The following FOXK2 variants were observed in gnomAD, a reference collection of about 807,000 sequenced individuals.
FOXK2 encodes the protein forkhead box K2, also known as forkhead box protein K2.
In FOXK2, 24 loss-of-function variants were observed where a neutral mutation model predicts 53.3. That is an observed-to-expected ratio of 0.45 (90% CI 0.33 to 0.63). The LOEUF (loss-of-function observed/expected upper bound fraction) is 0.63. Ranked by LOEUF, FOXK2 falls within the 30% of genes least tolerant of loss-of-function variation. FOXK2 has a pLI of 0.03. For missense variants in FOXK2, 952 were observed against 910.5 expected (o/e 1.05, Z -0.59); for synonymous variants, 505 against 407.1 (o/e 1.24, Z -2.89).
intron 3 of FOXK2, among the ~76,000 whole-genome samples, chr17:82,570,769 A>C (rs1275427490): frequency 6.6e-6 from 1 of 152,218 alleles, no homozygotes; most frequent in African/African-American, 2.4e-5. Context: ...AGAAGTTCAC[A>C]ACCAGGAGTG....
rs182581986 is a variant in FOXK2, at chr17:82,545,294, A to G, written c.420-18060A>G. Among the ~76,000 whole-genome samples the G allele has an allele frequency of 1.8e-3, 269 of 152,288 alleles. 3 individuals carry two copies. Among genetic ancestry groups the G allele is most frequent in the Non-Finnish European group, 4.7e-4 (32 of 68,038 alleles). The stretch of plus-strand genomic sequence containing the variant: ...TCGGAATTCCTATCCCGAATTCTAA[A>G]CCATAAATTAGTTTTGTTTGCTTTT... On this transcript the variant is annotated intron_variant, in intron 1 of 8. Transcript: ENST00000335255.
intron 1 of FOXK2, among the ~76,000 whole-genome samples, chr17:82,547,484 A>G (rs2044637649): frequency 6.6e-6 from 1 of 152,178 alleles, no homozygotes; most frequent in African/African-American, 2.4e-5. Context: ...AGCTTGTTTT[A>G]AGAGTTTAGG....
chr17:82,587,369 C>T, intron 8 of FOXK2, 97 bp downstream of exon 8: 2 of 937,954 alleles, frequency 2.1e-6, no homozygotes, highest in African/African-American at 1.6e-5. Flanking sequence ...ACAATTTTAG[C>T]TTTTGTCTGA....
intron 8 of FOXK2, 86 bp downstream of exon 8, chr17:82,587,358 A>C: frequency 1.9e-6 from 2 of 1,053,726 alleles, no homozygotes; most frequent in Non-Finnish European, 1.5e-6. Flanking sequence ...TTCTGACTGT[A>C]ACAATTTTAG....
chr17:82,539,766 A>T (rs1340329258), intron 1 of FOXK2, among the ~76,000 whole-genome samples: 6 of 151,806 alleles, frequency 4.0e-5, no homozygotes, highest in Admixed American at 3.9e-4. Flanking sequence ...GGAGTTCGAG[A>T]CCAGGCTGGC....
At chr17:82,587,418 A>G (rs1567986417) in intron 8 of FOXK2, 146 bp downstream of exon 8, 1 of 692,658 alleles carries the variant, frequency 1.4e-6, no homozygotes, top group East Asian at 2.7e-5. Context: ...AAATCTAGTC[A>G]TGCTGGGGAA....
chr17:82,570,664 A>C (rs1016892613), intron 3 of FOXK2, among the ~76,000 whole-genome samples: 2 of 152,218 alleles, frequency 1.3e-5, no homozygotes, highest in Non-Finnish European at 2.9e-5. Flanking sequence ...ATAATTGTTC[A>C]TTGTAAAACT....
At chr17:82,572,993 G>A (rs1370125027) in intron 4 of FOXK2, among the ~76,000 whole-genome samples, 1 of 151,990 alleles carries the variant, frequency 6.6e-6, no homozygotes, top group African/African-American at 2.4e-5. Flanking sequence ...GATTTCGAGA[G>A]CAGCCTGGGC....
chr17:82,589,184 C>T (rs140383622), intron 8 of FOXK2, among the ~76,000 whole-genome samples: 2 of 152,092 alleles, frequency 1.3e-5, no homozygotes, highest in East Asian at 3.9e-4. Flanking sequence ...AAAGCTTTTA[C>T]GGGATTATTT....
chr17:82,601,720 T>A lies in FOXK2; in HGVS notation c.*221T>A, dbSNP rs1300584103. ...CTGATTTGGGAGACGGTGTCTCCAC[T>A]GAGCACCTGCTGGGCTGAGCTTCTA... On this transcript the variant is annotated 3_prime_UTR_variant, in exon 9 of 9. Coordinates refer to ENST00000335255, the MANE Select transcript of FOXK2 (RefSeq NM_004514.4). 2.0e-6 allele frequency: 1 copy of A among 492,308 alleles called. No homozygotes were observed. The highest frequency in any genetic ancestry group is 1.9e-5 in the African/African-American group (1 of 52,444). The allele number at this position is 492,308 out of a possible 1,614,324, so 30.5% of individuals were successfully genotyped here. A position where few individuals can be genotyped will look rare whatever the true frequency, so the allele number is the denominator to read the frequency against.
intron 1 of FOXK2, among the ~76,000 whole-genome samples, chr17:82,551,206 A>G (rs963973704): frequency 6.6e-6 from 1 of 151,836 alleles, no homozygotes; most frequent in Non-Finnish European, 1.5e-5. Context: ...AGTCCTAGCT[A>G]CTCGGGAGGC....
chr17:82,533,814 CA>C (rs2044495247), intron 1 of FOXK2, among the ~76,000 whole-genome samples: 2 of 150,718 alleles, frequency 1.3e-5, no homozygotes, highest in Non-Finnish European at 2.9e-5. Flanking sequence ...CGTGGTGACG[CA>C]CAGCTGTAGG....
chr17:82,573,691 G>GT (rs759356194), intron 4 of FOXK2, among the ~76,000 whole-genome samples: 2 of 152,188 alleles, frequency 1.3e-5, no homozygotes, highest in Non-Finnish European at 2.9e-5. Context: ...AGCTTGCTCT[G>GT]TGGGAGTGTG....
chr17:82,545,164 G>A (rs1396559362), intron 1 of FOXK2, among the ~76,000 whole-genome samples: 3 of 152,094 alleles, frequency 2.0e-5, no homozygotes, highest in Admixed American at 2.0e-4. Context: ...AAAGTGCACA[G>A]ATTCTAAGTA....
chr17:82,593,998 C>G (rs913656236), intron 8 of FOXK2: 2 of 152,300 alleles, frequency 1.3e-5, no homozygotes, highest in Non-Finnish European at 2.9e-5. Context: ...GGGAGCCGCA[C>G]CCATCATCGC....
At chr17:82,586,988 A>C in intron 7 of FOXK2, 75 bp from the exon 8 acceptor site, 1 of 1,363,968 alleles carries the variant, frequency 7.3e-7, no homozygotes, top group Non-Finnish European at 1.0e-6. Flanking sequence ...CTATCTGGTT[A>C]TTATGTTTTA....
chr17:82,596,223 G>A, intron 8 of FOXK2: 2 of 988,998 alleles, frequency 2.0e-6, no homozygotes, highest in Non-Finnish European at 2.4e-6. Context: ...AGTAGCCTGA[G>A]TCCCTTCTTC....
chr17:82,556,442 TAA>T (rs5822538), intron 1 of FOXK2, among the ~76,000 whole-genome samples: 3 of 142,714 alleles, frequency 2.1e-5, no homozygotes, highest in Non-Finnish European at 3.1e-5. Flanking sequence ...AGACTCCGTC[TAA>T]AAAAAAAAAA....
chr17:82,586,233 C>G (rs1163925194), intron 7 of FOXK2, 33 bp downstream of exon 7: 2 of 1,213,342 alleles, frequency 1.6e-6, no homozygotes, highest in African/African-American at 1.6e-5. Flanking sequence ...GAGGGGAGAC[C>G]ACAGGGAGGT....
Sources: allele counts gnomAD v4.1 joint callset (sites outside exome capture counted in the v4.1 genomes callset), GRCh38; gene constraint gnomAD v4.1.1; transcripts MANE v1.5; gene names NCBI Gene and HGNC (gene_info 2026-07-23, HGNC 2026-07-21).